Variants in SLC1A2 observed in about 807,000 individuals in gnomAD.
SLC1A2 encodes solute carrier family 1 member 2, also known as excitatory amino acid transporter 2.
Under a neutral mutation model 48.8 loss-of-function variants are expected in SLC1A2, and 15 were observed. That is an observed-to-expected ratio of 0.31 (90% CI 0.21 to 0.47). The LOEUF is 0.47. Ranked by LOEUF, SLC1A2 falls within the 20% of genes least tolerant of loss-of-function variation. SLC1A2 has a pLI of 0.99. For synonymous variants in SLC1A2, 279 were observed against 272.6 expected (o/e 1.02, Z -0.23); for missense variants, 502 against 730.5 (o/e 0.69, Z 3.61).
chr11:35,396,628 G>T (rs1463240486), intron 1 of SLC1A2, among the ~76,000 whole-genome samples: 1 of 151,972 alleles, frequency 6.6e-6, no homozygotes, highest in Admixed American at 6.5e-5. Context: ...TTTTTAGGTT[G>T]CCTGTTCACT....
rs547474427 is a variant in SLC1A2, at chr11:35,375,342, T to C, written c.17+43608A>G. Among the ~76,000 whole-genome samples the C allele has an allele frequency of 5.8e-4, 89 of 152,352 alleles. 1 individual carries two copies. The highest frequency in any genetic ancestry group is 1.1e-3 in the Non-Finnish European group (75 of 68,034). On this transcript the variant is annotated intron_variant, in intron 1 of 10. Coordinates refer to ENST00000278379, the MANE Select transcript of SLC1A2 (RefSeq NM_004171.4). ...TCCAGAGAAGCTGAATGTGTTATCA[T>C]TGTGGTTCCCCGCTTCACGTGAATT...
chr11:35,296,090 G>C (rs1394032085), intron 6 of SLC1A2, among the ~76,000 whole-genome samples: 3 of 152,200 alleles, frequency 2.0e-5, no homozygotes, highest in Non-Finnish European at 4.4e-5. Context: ...CTGATGAAAC[G>C]CAGATATTAC....
intron 1 of SLC1A2, among the ~76,000 whole-genome samples, chr11:35,407,395 T>C (rs951321228): frequency 6.6e-6 from 1 of 152,206 alleles, no homozygotes; most frequent in East Asian, 1.9e-4. Flanking sequence ...CCACGGATAA[T>C]TCAAGACCTC....
intron 1 of SLC1A2, among the ~76,000 whole-genome samples, chr11:35,386,334 T>C (rs1030677741): frequency 4.6e-5 from 7 of 152,180 alleles, no homozygotes; most frequent in Non-Finnish European, 2.9e-5. Flanking sequence ...TCCTCACTCT[T>C]TTATTGTGCC....
rs540563240 is a variant in SLC1A2 at position 35,269,831 on chromosome 11, C to G, written c.1422-4073G>C. Among the ~76,000 whole-genome samples the G allele has an allele frequency of 6.0e-4, 92 of 152,266 alleles. 1 individual carries two copies. The South Asian group carries it at 0.014, about 24-fold the overall frequency. On this transcript the variant is annotated intron_variant, in intron 9 of 10. Coordinates refer to ENST00000278379, the MANE Select transcript of SLC1A2 (RefSeq NM_004171.4). Reference sequence around the variant, plus strand: ...TTGTATAGAATAAAAGCAGACTGGCCGGATGCAGTGGCTCACGCCTGCAAT... The same window carrying G: ...TTGTATAGAATAAAAGCAGACTGGCGGGATGCAGTGGCTCACGCCTGCAAT...
At chr11:35,413,760 C>T (rs1179796825) in intron 1 of SLC1A2, 3 of 152,262 alleles carry the variant, frequency 2.0e-5, no homozygotes, top group Non-Finnish European at 4.4e-5. Context: ...ACTTCGTCAC[C>T]AGCTCTGTGA....
At chr11:35,301,758 T>C in intron 5 of SLC1A2, 113 bp from the exon 6 acceptor site, 2 of 920,374 alleles carry the variant, frequency 2.2e-6, no homozygotes, top group South Asian at 3.3e-5. Context: ...CTGGTTACCC[T>C]ATGAATTAGA....
chr11:35,297,117 T>G (rs1045629310), intron 6 of SLC1A2, among the ~76,000 whole-genome samples: 1 of 152,220 alleles, frequency 6.6e-6, no homozygotes, highest in Non-Finnish European at 1.5e-5. Context: ...TGGCCTCTTC[T>G]GGGCTCTTTG....
chr11:35,284,110 T>TATATATATATATATATATAA (rs539270363), intron 8 of SLC1A2, among the ~76,000 whole-genome samples: 162 of 141,118 alleles, frequency 1.1e-3, no homozygotes, highest in African/African-American at 4.1e-3. Flanking sequence ...TATATATATA[T>TATATATATATATATATATAA]AAATTATTAT....
At chr11:35,301,780 C>G in intron 5 of SLC1A2, 135 bp from the exon 6 acceptor site, 2 of 797,326 alleles carry the variant, frequency 2.5e-6, no homozygotes, top group Non-Finnish European at 3.9e-6. Flanking sequence ...ATTAAAAGAA[C>G]AAAGCATTAT....
intron 1 of SLC1A2, among the ~76,000 whole-genome samples, chr11:35,377,145 T>C (rs1590246161): frequency 6.6e-6 from 1 of 151,870 alleles, no homozygotes; most frequent in Non-Finnish European, 1.5e-5. Flanking sequence ...ACTACATCCT[T>C]AGGAGGAAGG....
At chr11:35,322,944 T>G (rs1852122145) in intron 1 of SLC1A2, 1 of 601,236 alleles carries the variant, frequency 1.7e-6, no homozygotes, top group African/African-American at 1.9e-5. Flanking sequence ...TCCTAGATCC[T>G]GTAAGACCTG....
intron 7 of SLC1A2, 49 bp from the exon 8 acceptor site, chr11:35,287,000 A>G (rs1280969036): frequency 2.7e-6 from 4 of 1,475,020 alleles, no homozygotes; most frequent in Non-Finnish European, 3.8e-6. Context: ...ACTTTAGAGA[A>G]GCAGGACAAT....
chr11:35,263,727 A>T (rs1387833437), intron 10 of SLC1A2, among the ~76,000 whole-genome samples: 2 of 152,218 alleles, frequency 1.3e-5, no homozygotes, highest in African/African-American at 4.8e-5. Context: ...CTCATATGGC[A>T]ATAATTTGAG....
intron 1 of SLC1A2, among the ~76,000 whole-genome samples, chr11:35,324,830 T>G (rs1565245074): frequency 6.6e-6 from 1 of 152,138 alleles, no homozygotes; most frequent in Non-Finnish European, 1.5e-5. Context: ...CCAACAAATT[T>G]GCTTATTTCC....
Position 35,279,934 on chromosome 11 carries a change from A to G in SLC1A2, c.1421+933T>C, listed in dbSNP as rs77263907. Among the ~76,000 whole-genome samples, 462 of 152,298 alleles carry G rather than the reference A, an allele frequency of 3.0e-3. 1 individual carries two copies. Among genetic ancestry groups the G allele is most frequent in the Non-Finnish European group, 5.2e-3 (355 of 68,024 alleles). On this transcript the variant is annotated intron_variant, in intron 9 of 10. Coordinates refer to ENST00000278379, the MANE Select transcript of SLC1A2 (RefSeq NM_004171.4). ...GGGATGAAGGCCTCTCTCTATCACT[A>G]TGCTTTTATGTGTGTGCTGTGTTTT...
At chr11:35,320,746 C>T (rs549277565) in intron 1 of SLC1A2, among the ~76,000 whole-genome samples, 6 of 152,188 alleles carry the variant, frequency 3.9e-5, no homozygotes, top group South Asian at 2.1e-4. Context: ...TTTGACCATT[C>T]GTGCATTTAT....
chr11:35,307,357 A>C (rs1456194794), intron 4 of SLC1A2: 1 of 152,252 alleles, frequency 6.6e-6, no homozygotes, highest in Non-Finnish European at 1.5e-5. Context: ...AGTGATGCCA[A>C]GCCTTTCTCA....
intron 1 of SLC1A2, among the ~76,000 whole-genome samples, chr11:35,353,024 T>C (rs12274790): frequency 0.1 from 15,320 of 152,220 alleles, 923 homozygotes; most frequent in Middle Eastern, 0.15. Flanking sequence ...ATATCTTATG[T>C]CCTTGCTTCT....
Sources: allele counts gnomAD v4.1 joint callset (sites outside exome capture counted in the v4.1 genomes callset), GRCh38; gene constraint gnomAD v4.1.1; transcripts MANE v1.5; gene names NCBI Gene and HGNC (gene_info 2026-07-23, HGNC 2026-07-21).